ADGRL3: variants seen among roughly 807,000 people sequenced by gnomAD.
ADGRL3 encodes the protein calcium-independent alpha-latrotoxin receptor 3.
In ADGRL3, 62 loss-of-function variants were observed where a neutral mutation model predicts 153.5. The ratio of observed to expected loss-of-function variants is 0.40; its 90% CI spans 0.33 to 0.50. The LOEUF is 0.50. ADGRL3 is among the 20% of genes least tolerant of loss of function. ADGRL3 has a pLI of 0.47. For missense variants in ADGRL3, 1,641 were observed against 1,859.4 expected, an observed-to-expected ratio of 0.88 and a Z score of 2.16; for synonymous variants, 710 against 672.5, an observed-to-expected ratio of 1.06 and a Z score of -0.86.
At chr4:61,315,462 G>A (rs757742130) in intron 1 of ADGRL3, among the ~76,000 whole-genome samples, 5 of 152,170 alleles carry the variant, frequency 3.3e-5, no homozygotes, top group Non-Finnish European at 5.9e-5. Context: ...GGCTCAGGAT[G>A]TTAGGCAAGG....
chr4:61,282,831 A>G (rs2093779305), intron 1 of ADGRL3, among the ~76,000 whole-genome samples: 1 of 152,084 alleles, frequency 6.6e-6, no homozygotes, highest in Non-Finnish European at 1.5e-5. Context: ...TAGATTCACA[A>G]TGGAAATTAA....
chr4:61,924,257 T>C (rs2098784154), intron 13 of ADGRL3, among the ~76,000 whole-genome samples: 1 of 152,140 alleles, frequency 6.6e-6, no homozygotes, highest in Non-Finnish European at 1.5e-5. Context: ...CCTACCTAAT[T>C]GACACTTCTT....
chr4:61,414,215 GA>G (rs946824106), intron 2 of ADGRL3, among the ~76,000 whole-genome samples: 7 of 152,086 alleles, frequency 4.6e-5, no homozygotes, highest in South Asian at 2.1e-4. Flanking sequence ...AACTTACCTG[GA>G]AAAATTGGAA....
chr4:61,599,469 A>G lies in ADGRL3; in HGVS notation c.473+12029A>G, dbSNP rs563528029. ...CGCCTCAGCCTCCTGAGTAGCTGGGATTACAGGTGCCTGCCACCACGCCTG... is the reference window on the plus strand; with the variant it reads ...CGCCTCAGCCTCCTGAGTAGCTGGGGTTACAGGTGCCTGCCACCACGCCTG... On this transcript the variant is annotated intron_variant, in intron 5 of 26. Coordinates refer to ENST00000683033, the MANE Select transcript of ADGRL3 (RefSeq NM_001387552.1). 1.6e-4 allele frequency among the ~76,000 whole-genome samples: 24 copies of G among 152,212 alleles called. No individual in the cohort carries two copies. The South Asian group carries it at 2.9e-3, about 18-fold the overall frequency.
chr4:61,288,894 C>A (rs2094053544), intron 1 of ADGRL3, among the ~76,000 whole-genome samples: 1 of 151,906 alleles, frequency 6.6e-6, no homozygotes, highest in Admixed American at 6.6e-5. Context: ...TATAACAGAA[C>A]TGGTTATACT....
intron 5 of ADGRL3, among the ~76,000 whole-genome samples, chr4:61,606,343 G>T (rs914693678): frequency 6.6e-6 from 1 of 152,182 alleles, no homozygotes; most frequent in Non-Finnish European, 1.5e-5. Context: ...TAATGACTGT[G>T]TTAGTTTGCT....
intron 5 of ADGRL3, among the ~76,000 whole-genome samples, chr4:61,634,440 A>T (rs567931536): frequency 6.6e-6 from 1 of 152,232 alleles, no homozygotes; most frequent in Non-Finnish European, 1.5e-5. Flanking sequence ...CATTAAAGTG[A>T]TTTTCTTGTA....
intron 1 of ADGRL3, among the ~76,000 whole-genome samples, chr4:61,302,746 C>T (rs948675004): frequency 2.0e-5 from 3 of 151,910 alleles, no homozygotes; most frequent in Non-Finnish European, 4.4e-5. Context: ...ACCAAGTACC[C>T]GAGTTAGAGT....
At chr4:62,053,732 A>G (rs1476439925) in intron 25 of ADGRL3, among the ~76,000 whole-genome samples, 4 of 151,576 alleles carry the variant, frequency 2.6e-5, no homozygotes, top group Non-Finnish European at 4.4e-5. Flanking sequence ...CGGATACCTT[A>G]TTTGAATTCA....
intron 2 of ADGRL3, among the ~76,000 whole-genome samples, chr4:61,448,711 A>G (rs372684374): frequency 9.8e-5 from 2 of 20,330 alleles, no homozygotes; most frequent in South Asian, 4.8e-3. Context: ...AAGGAAAGAA[A>G]GAAGGAAGGA....
At chr4:61,536,264 T>C (rs1394620502) in intron 4 of ADGRL3, among the ~76,000 whole-genome samples, 1 of 152,102 alleles carries the variant, frequency 6.6e-6, no homozygotes, top group Non-Finnish European at 1.5e-5. Flanking sequence ...ATTATTTCAA[T>C]TCTTTCGAGT....
chr4:61,676,012 T>C (rs1359020003), intron 5 of ADGRL3, among the ~76,000 whole-genome samples: 8 of 151,756 alleles, frequency 5.3e-5, no homozygotes, highest in Non-Finnish European at 1.2e-4. Flanking sequence ...GCTCCATGGG[T>C]TTAATGGCTC....
chr4:61,539,546 T>C (rs2098678083), intron 4 of ADGRL3, among the ~76,000 whole-genome samples: 1 of 151,972 alleles, frequency 6.6e-6, no homozygotes, highest in Admixed American at 6.6e-5. Flanking sequence ...GGGGATCAGG[T>C]GATGTGGTGA....
At chr4:61,560,134 A>G (rs1283855832) in intron 4 of ADGRL3, among the ~76,000 whole-genome samples, 1 of 152,014 alleles carries the variant, frequency 6.6e-6, no homozygotes, top group Non-Finnish European at 1.5e-5. Context: ...TCTAACCTCC[A>G]TACTTCTATT....
At chr4:61,453,249 A>G (rs2097695961) in intron 2 of ADGRL3, among the ~76,000 whole-genome samples, 1 of 152,180 alleles carries the variant, frequency 6.6e-6, no homozygotes, top group Admixed American at 6.5e-5. Flanking sequence ...AGAAATATAT[A>G]ACAGATATAA....
At chr4:61,571,828 C>G (rs1173021575) in intron 4 of ADGRL3, among the ~76,000 whole-genome samples, 1 of 152,116 alleles carries the variant, frequency 6.6e-6, no homozygotes, top group Non-Finnish European at 1.5e-5. Context: ...CTATTTACTA[C>G]TTTAAAAGTT....
chr4:61,874,729 C>G (rs989029128), intron 9 of ADGRL3, among the ~76,000 whole-genome samples: 5 of 147,990 alleles, frequency 3.4e-5, no homozygotes, highest in Admixed American at 2.0e-4. Context: ...AACCCCCTCA[C>G]GTGATAACCA....
chr4:61,434,095 G>A (rs2097411240), intron 2 of ADGRL3, among the ~76,000 whole-genome samples: 1 of 152,068 alleles, frequency 6.6e-6, no homozygotes, highest in South Asian at 2.1e-4. Context: ...ATTGTTAAGG[G>A]TAGCAATTAG....
intron 1 of ADGRL3, among the ~76,000 whole-genome samples, chr4:61,331,538 T>A (rs1046009887): frequency 2.6e-5 from 4 of 152,194 alleles, no homozygotes; most frequent in African/African-American, 9.6e-5. Context: ...TTGCTCAGTT[T>A]GTAAAAGGTT....
Sources: allele counts gnomAD v4.1 joint callset (sites outside exome capture counted in the v4.1 genomes callset), GRCh38; gene constraint gnomAD v4.1.1; transcripts MANE v1.5; gene names NCBI Gene and HGNC (gene_info 2026-07-23, HGNC 2026-07-21).